Variants in PIK3C2G observed in about 807,000 individuals in gnomAD.
PIK3C2G encodes the protein phosphatidylinositol-4-phosphate 3-kinase catalytic subunit type 2 gamma.
Under a neutral mutation model 181.1 loss-of-function variants are expected in PIK3C2G, and 168 were observed. The observed-to-expected ratio is 0.93, with a 90% CI of 0.82 to 1.05. The LOEUF is 1.05. Ranked by LOEUF, PIK3C2G falls within the 50% of genes least tolerant of loss-of-function variation. The probability of loss-of-function intolerance (pLI) is 0.00; values close to 1 mark genes in which losing one functional copy is unlikely to be tolerated. For missense variants in PIK3C2G, 1,869 were observed against 1,732.8 expected, an observed-to-expected ratio of 1.08 and a Z score of -1.40; for synonymous variants, 573 against 592.2, an observed-to-expected ratio of 0.97 and a Z score of 0.47.
the PIK3C2G span, among the ~76,000 whole-genome samples, chr12:18,658,367 C>G: frequency 6.6e-6 from 1 of 152,024 alleles, no homozygotes; most frequent in African/African-American, 2.4e-5. Flanking sequence ...ATAAACATAA[C>G]AAGATTCACA....
chr12:18,663,058 T>C, the PIK3C2G span, among the ~76,000 whole-genome samples: 1 of 152,034 alleles, frequency 6.6e-6, no homozygotes, highest in Non-Finnish European at 1.5e-5. Flanking sequence ...TCAAAAGACA[T>C]AGATGGAAAA....
rs751056523 is a variant in PIK3C2G at position 18,282,585 on chromosome 12, T to C, written c.504T>C (p.His168=). The part of the protein sequence containing the change: ...KELENENHNY[H]IGFESSIPPT... ...TAGAAAATGAAAATCATAACTACCA[T>C]ATAGGATTTGAAAGTAGCATTCCTC... The change falls in exon 2 of 33, where the codon CAT becomes CAC. Residue 168 remains histidine, a synonymous_variant. Transcript: ENST00000538779. 36 of 1,612,010 alleles carry C rather than the reference T, an allele frequency of 2.2e-5. No individual in the cohort carries two copies. The highest frequency in any genetic ancestry group is 3.3e-4 in the Middle Eastern group (2 of 6,080).
rs1274381468 is a variant in PIK3C2G, at chr12:18,420,930, C to G, written c.2316-11C>G. 9 of 1,440,130 alleles carry G rather than the reference C, an allele frequency of 6.2e-6. No homozygotes were observed. The highest frequency in any genetic ancestry group is 1.7e-5 in the Admixed American group (1 of 59,392). 89.2% of individuals were successfully genotyped at this position (1,440,130 alleles called of 1,614,324 possible). ...ATTAACAGCTTAGTGGATATATTTACTGTGTATTAGTTTTCCAGATCAAGA... is the reference window on the plus strand; with the variant it reads ...ATTAACAGCTTAGTGGATATATTTAGTGTGTATTAGTTTTCCAGATCAAGA... On this transcript the variant is annotated splice_polypyrimidine_tract_variant and intron_variant, in intron 16 of 32. Transcript: ENST00000538779.
chr12:18,412,145 C>T (rs975508111), intron 16 of PIK3C2G, among the ~76,000 whole-genome samples: 6 of 152,134 alleles, frequency 3.9e-5, no homozygotes, highest in South Asian at 2.1e-4. Flanking sequence ...AGAGTAATGA[C>T]GATTCCCAAG....
At chr12:18,257,081 T>C (rs1446706950), upstream of PIK3C2G, among the ~76,000 whole-genome samples, 1 of 152,134 alleles carries the variant, frequency 6.6e-6, no homozygotes, top group African/African-American at 2.4e-5. Context: ...TCCAGAATAT[T>C]GCATGCTTTA....
intron 1 of PIK3C2G, among the ~76,000 whole-genome samples, 153 bp from the exon 2 acceptor site, chr12:18,281,851 C>T (rs555566289): frequency 4.7e-4 from 72 of 152,008 alleles, no homozygotes; most frequent in African/African-American, 1.6e-3. Context: ...ATGTTGTAAG[C>T]CCTGATAGAG....
Position 18,381,790 on chromosome 12 carries a change from G to T in PIK3C2G, c.1905G>T (p.Leu635=). The change falls in exon 14 of 33, where the codon CTG becomes CTT. Residue 635 remains leucine, a synonymous_variant. Coordinates refer to ENST00000538779, the MANE Select transcript of PIK3C2G (RefSeq NM_001288772.2). ...GAAAATCCATTCTCGGGTCTATGCT[G>T]TTCAGCATGACATTACAGAGTGAGC... is the stretch of plus-strand genomic sequence containing the variant. ...PKEKSILGSM[L]FSMTLQSEPP... The T allele has an allele frequency of 6.2e-7, 1 of 1,612,666 alleles. No homozygotes were observed. Among genetic ancestry groups the T allele is most frequent in the Non-Finnish European group, 8.5e-7 (1 of 1,178,736 alleles).
chr12:18,463,572 C>T (rs910202218), intron 18 of PIK3C2G, among the ~76,000 whole-genome samples: 3 of 152,072 alleles, frequency 2.0e-5, no homozygotes, highest in African/African-American at 4.8e-5. Flanking sequence ...ATATGATGGT[C>T]GTGTTTCTAA....
At chr12:18,688,553 C>CATATAT in the PIK3C2G span, among the ~76,000 whole-genome samples, 35 of 146,882 alleles carry the variant, frequency 2.4e-4, no homozygotes, top group African/African-American at 7.7e-4. Context: ...TTTTTGAATT[C>CATATAT]ATATATATAT....
chr12:18,693,058 G>A, the PIK3C2G span: 1 of 1,482,942 alleles, frequency 6.7e-7, no homozygotes. Flanking sequence ...AAGCAAGAAG[G>A]GAAAAGATCA....
rs544164101 is a variant in PIK3C2G, at chr12:18,451,729, A to C, written c.2504+27690A>C. Among the ~76,000 whole-genome samples the C allele has an allele frequency of 5.9e-5, 9 of 152,006 alleles. No individual in the cohort carries two copies. In the South Asian group the frequency reaches 1.9e-3, roughly 32 times the overall value. ...TATGGGTTTGTCATAAATAGCTCTT[A>C]TTAGTTTATGTTTCATCAATACCTA... On this transcript the variant is annotated intron_variant, in intron 18 of 32. Transcript: ENST00000538779.
chr12:18,636,308 C>T (rs1949600959), intron 31 of PIK3C2G, among the ~76,000 whole-genome samples: 1 of 152,262 alleles, frequency 6.6e-6, no homozygotes, highest in African/African-American at 2.4e-5. Flanking sequence ...TCTCGGCTCA[C>T]CGCAACCTCT....
At chr12:18,572,983 T>A (rs1946046821) in intron 29 of PIK3C2G, among the ~76,000 whole-genome samples, 1 of 152,220 alleles carries the variant, frequency 6.6e-6, no homozygotes, top group Admixed American at 6.5e-5. Context: ...TTTTATTATA[T>A]CTGCAAATAG....
chr12:18,256,348 G>A (rs1010164812), intron 1 of PIK3C2G, among the ~76,000 whole-genome samples: 1 of 152,014 alleles, frequency 6.6e-6, no homozygotes, highest in Non-Finnish European at 1.5e-5. Flanking sequence ...AACCCAGGCA[G>A]TGTTGCTATG....
the PIK3C2G span, among the ~76,000 whole-genome samples, chr12:18,659,144 C>T: frequency 4.0e-4 from 61 of 152,198 alleles, no homozygotes; most frequent in African/African-American, 1.3e-3. Context: ...AAAAAATAAA[C>T]AGTAACCATA....
At chr12:18,297,566 TG>T (rs772730432) in intron 5 of PIK3C2G, among the ~76,000 whole-genome samples, 2 of 152,022 alleles carry the variant, frequency 1.3e-5, no homozygotes, top group Non-Finnish European at 2.9e-5. Flanking sequence ...CTAGTTTTTT[TG>T]AATATACAAT....
At chr12:18,647,254 T>C (rs771375530) in intron 32 of PIK3C2G, among the ~76,000 whole-genome samples, 3 of 152,070 alleles carry the variant, frequency 2.0e-5, no homozygotes, top group African/African-American at 4.8e-5. Context: ...GTCTGTTTCA[T>C]GGCCACAGAG....
intron 11 of PIK3C2G, among the ~76,000 whole-genome samples, chr12:18,357,300 T>A (rs575435096): frequency 6.6e-6 from 1 of 151,414 alleles, no homozygotes; most frequent in South Asian, 2.1e-4. Context: ...GAGGTGTGGG[T>A]GTGTGTGTGT....
chr12:18,290,622 G>A (rs1230878812), intron 3 of PIK3C2G, among the ~76,000 whole-genome samples: 2 of 152,144 alleles, frequency 1.3e-5, no homozygotes, highest in Non-Finnish European at 2.9e-5. Flanking sequence ...ATGCTCCTGG[G>A]AAAGCCTAAA....
Sources: gnomAD v4.1 joint callset for allele counts (sites outside exome capture counted in the v4.1 genomes callset) on GRCh38, gnomAD v4.1.1 for gene constraint, MANE v1.5 for transcripts, NCBI Gene and HGNC (gene_info 2026-07-23, HGNC 2026-07-21) for gene names.